The following RAB3C variants were observed in gnomAD, a reference collection of about 807,000 sequenced individuals.
RAB3C encodes RAB3C, member RAS oncogene family, also known as ras-related protein Rab-3C.
Under a neutral mutation model 26.4 loss-of-function variants are expected in RAB3C, and 17 were observed. That is an observed-to-expected ratio of 0.64 (90% CI 0.44 to 0.97). The LOEUF (loss-of-function observed/expected upper bound fraction) is 0.97. Among genes scored for constraint, RAB3C ranks in the 50% least tolerant of loss-of-function variants. The pLI is 0.00. For missense variants in RAB3C, 242 were observed against 281.9 expected (o/e 0.86, Z 1.01); for synonymous variants, 91 against 95.9 (o/e 0.95, Z 0.30).
intron 3 of RAB3C, among the ~76,000 whole-genome samples, chr5:58,750,072 T>A (rs1031864130): frequency 1.3e-5 from 2 of 152,150 alleles, no homozygotes; most frequent in African/African-American, 4.8e-5. Context: ...AGTATATTTG[T>A]TTTCATCATT....
At chr5:58,593,284 G>GAA (rs1746177423) in intron 1 of RAB3C, among the ~76,000 whole-genome samples, 1 of 152,010 alleles carries the variant, frequency 6.6e-6, no homozygotes, top group Non-Finnish European at 1.5e-5. Context: ...GTTTCCAAGT[G>GAA]AAGACAGATA....
At chr5:58,735,795 G>T (rs966029651) in intron 3 of RAB3C, among the ~76,000 whole-genome samples, 2 of 152,170 alleles carry the variant, frequency 1.3e-5, no homozygotes, top group Admixed American at 6.5e-5. Context: ...GCACCCTTGT[G>T]TGTCAGCACC....
In RAB3C at chr5:58,835,543, C is replaced by T. The variant is rs299920; in HGVS notation, c.496+10381C>T. ...ATCTCGACAGACAAAATTGTCTAGC[C>T]CTCATTTTTCTACCTGGATTTGGCT... On this transcript the variant is annotated intron_variant, in intron 4 of 4. Coordinates refer to ENST00000282878, the MANE Select transcript of RAB3C (RefSeq NM_138453.4). Among the ~76,000 whole-genome samples, 751 of 152,248 alleles carry T rather than the reference C, an allele frequency of 4.9e-3. 21 individuals are homozygous for T. The East Asian group carries it at 0.059, about 12-fold the overall frequency.
intron 2 of RAB3C, among the ~76,000 whole-genome samples, chr5:58,647,309 G>T (rs1176238240): frequency 2.0e-5 from 3 of 152,176 alleles, no homozygotes; most frequent in Non-Finnish European, 4.4e-5. Flanking sequence ...TTACAATTAT[G>T]GCAGAAGGTG....
intron 1 of RAB3C, among the ~76,000 whole-genome samples, chr5:58,590,250 A>G (rs62367844): frequency 0.5 from 75,542 of 152,010 alleles, 19,163 homozygotes; most frequent in Non-Finnish European, 0.53. Flanking sequence ...ATTAACACAA[A>G]GTTGTTAAAA....
intron 4 of RAB3C, among the ~76,000 whole-genome samples, chr5:58,833,840 T>A (rs1743674324): frequency 6.6e-6 from 1 of 152,196 alleles, no homozygotes; most frequent in Non-Finnish European, 1.5e-5. Context: ...TTGATAAGCA[T>A]TGATCCACAA....
In RAB3C at chr5:58,729,942, A is replaced by G. The variant is rs142326848; in HGVS notation, c.371+3822A>G. On this transcript the variant is annotated intron_variant, in intron 3 of 4. Coordinates refer to ENST00000282878, the MANE Select transcript of RAB3C (RefSeq NM_138453.4). ...ATATATACACATATACATATCCTAT[A>G]TTAATCTAATATATATTTTGAATAG... Among the ~76,000 whole-genome samples, 1,421 of 147,876 alleles carry G rather than the reference A, an allele frequency of 9.6e-3. 20 individuals are homozygous for G. Among genetic ancestry groups the G allele is most frequent in the African/African-American group, 0.033 (1,340 of 40,524 alleles).
At chr5:58,735,198 C>T (rs1041379249) in intron 3 of RAB3C, among the ~76,000 whole-genome samples, 6 of 152,122 alleles carry the variant, frequency 3.9e-5, no homozygotes, top group Non-Finnish European at 2.9e-5. Flanking sequence ...CACAAAAATA[C>T]GAAAAGCATA....
chr5:58,606,922 A>T (rs1028455227), intron 1 of RAB3C, among the ~76,000 whole-genome samples: 2 of 152,236 alleles, frequency 1.3e-5, no homozygotes, highest in Non-Finnish European at 2.9e-5. Context: ...CACAAACATC[A>T]GAGACCAAAG....
At chr5:58,843,506 T>G (rs138184990) in intron 4 of RAB3C, among the ~76,000 whole-genome samples, 5,525 of 152,334 alleles carry the variant, frequency 0.036, 141 homozygotes, top group Non-Finnish European at 0.058. Flanking sequence ...TTAAAACACT[T>G]AGCACTCTTT....
chr5:58,793,550 A>G (rs962391744), intron 3 of RAB3C, among the ~76,000 whole-genome samples: 10 of 147,856 alleles, frequency 6.8e-5, no homozygotes, highest in Admixed American at 6.1e-4. Context: ...AAAAAAAAAA[A>G]TTCCTAAGTG....
intron 2 of RAB3C, among the ~76,000 whole-genome samples, chr5:58,680,244 C>G (rs746670899): frequency 2.0e-5 from 3 of 152,124 alleles, no homozygotes; most frequent in Non-Finnish European, 4.4e-5. Context: ...GGCCATTGAA[C>G]TTTCCTTTGA....
intron 3 of RAB3C, chr5:58,794,278 G>C (rs1328698003): frequency 4.7e-5 from 4 of 84,938 alleles, no homozygotes; most frequent in Non-Finnish European, 9.4e-5. Context: ...TTTTTTTTTT[G>C]TGGTTCTTCA....
chr5:58,632,523 A>G (rs963094039), intron 2 of RAB3C, among the ~76,000 whole-genome samples: 1 of 152,206 alleles, frequency 6.6e-6, no homozygotes, highest in Non-Finnish European at 1.5e-5. Flanking sequence ...AGGGAGGTCT[A>G]CTTCAGTCTA....
At chr5:58,729,344 C>T (rs763546212) in intron 3 of RAB3C, among the ~76,000 whole-genome samples, 4 of 151,792 alleles carry the variant, frequency 2.6e-5, no homozygotes, top group Non-Finnish European at 5.9e-5. Flanking sequence ...CAACCATCAC[C>T]ACCATCCAGC....
chr5:58,743,463 G>T (rs1489070954), intron 3 of RAB3C, among the ~76,000 whole-genome samples: 1 of 151,778 alleles, frequency 6.6e-6, no homozygotes, highest in Non-Finnish European at 1.5e-5. Flanking sequence ...TGTTACATAG[G>T]TATACATGTG....
At chr5:58,681,591 A>T (rs1454589148) in intron 2 of RAB3C, among the ~76,000 whole-genome samples, 1 of 152,230 alleles carries the variant, frequency 6.6e-6, no homozygotes, top group African/African-American at 2.4e-5. Context: ...TATAGTTGTA[A>T]GAACAAATCT....
At chr5:58,732,299 T>C (rs1473107929) in intron 3 of RAB3C, among the ~76,000 whole-genome samples, 7 of 151,788 alleles carry the variant, frequency 4.6e-5, no homozygotes, top group Admixed American at 4.6e-4. Context: ...AATTTTTTTA[T>C]ATTTTATTTA....
intron 2 of RAB3C, among the ~76,000 whole-genome samples, chr5:58,664,187 A>T (rs1182230255): frequency 6.6e-6 from 1 of 152,190 alleles, no homozygotes; most frequent in Non-Finnish European, 1.5e-5. Context: ...TTATAACAGC[A>T]TTATTTTTAA....
Sources: allele counts gnomAD v4.1 joint callset (sites outside exome capture counted in the v4.1 genomes callset), GRCh38; gene constraint gnomAD v4.1.1; transcripts MANE v1.5; gene names NCBI Gene and HGNC (gene_info 2026-07-23, HGNC 2026-07-21).